Variants in SYNPR observed in about 807,000 individuals in gnomAD.
The protein encoded by SYNPR is synaptoporin.
SYNPR carries 23 observed loss-of-function variants against 32.9 expected under a neutral mutation model. The ratio of observed to expected loss-of-function variants is 0.70; its 90% confidence interval spans 0.50 to 0.99. The LOEUF is 0.99. Among genes scored for constraint, SYNPR ranks in the 50% least tolerant of loss-of-function variants. The pLI is 0.00. For synonymous variants in SYNPR, 146 were observed against 135.9 expected, an observed-to-expected ratio of 1.07 and a Z score of -0.52; for missense variants, 318 against 349.3, an observed-to-expected ratio of 0.91 and a Z score of 0.71.
intron 1 of SYNPR, among the ~76,000 whole-genome samples, chr3:63,244,239 T>C (rs1264467682): frequency 6.6e-6 from 1 of 152,146 alleles, no homozygotes; most frequent in East Asian, 1.9e-4. Flanking sequence ...ATAATGTATC[T>C]AATATGGATT....
intron 2 of SYNPR, among the ~76,000 whole-genome samples, chr3:63,316,858 A>G (rs975257160): frequency 6.6e-6 from 1 of 151,664 alleles, no homozygotes; most frequent in Non-Finnish European, 1.5e-5. Context: ...TCTTTTTTAT[A>G]TAGGTGCTTA....
At chr3:63,589,573 C>T (rs1354812915) in intron 4 of SYNPR, among the ~76,000 whole-genome samples, 10 of 150,620 alleles carry the variant, frequency 6.6e-5, no homozygotes, top group East Asian at 4.0e-4. Context: ...ACTGGCAAAC[C>T]GAATCCAGCA....
intron 2 of SYNPR, among the ~76,000 whole-genome samples, chr3:63,313,992 T>TATATATATATATCC (rs1439479806): frequency 4.0e-4 from 3 of 7,486 alleles, no homozygotes; most frequent in African/African-American, 5.3e-4. Flanking sequence ...TATATATCCA[T>TATATATATATATCC]ATATATATAT....
chr3:63,292,811 A>G (rs970269295), intron 2 of SYNPR, among the ~76,000 whole-genome samples: 6 of 152,350 alleles, frequency 3.9e-5, no homozygotes, highest in Middle Eastern at 3.4e-3. Flanking sequence ...ACATGCACAC[A>G]TATGTTCTTT....
rs959685788 is a variant in SYNPR at position 63,587,126 on chromosome 3, GA to G, written c.409-21989del. Among the ~76,000 whole-genome samples, 122 of 149,098 alleles carry G rather than the reference GA, an allele frequency of 8.2e-4. 1 individual carries two copies. In the Middle Eastern group the frequency reaches 0.01, roughly 13 times the overall value. On this transcript the variant is annotated intron_variant, in intron 4 of 5. Coordinates refer to ENST00000478300, the MANE Select transcript of SYNPR (RefSeq NM_001130003.2). ...TCAAATTAACGTCAGAATCCAGTTT[GA>G]AAAAAAAAATTGAGTTATTTCAGTT... is the stretch of plus-strand genomic sequence containing the variant.
chr3:63,612,295 C>T (rs1455604667), intron 5 of SYNPR, among the ~76,000 whole-genome samples: 2 of 152,200 alleles, frequency 1.3e-5, no homozygotes, highest in African/African-American at 4.8e-5. Context: ...AAAATGGCTA[C>T]TAAAATACGG....
chr3:63,421,017 A>G (rs2107131089), intron 2 of SYNPR, among the ~76,000 whole-genome samples: 2 of 152,244 alleles, frequency 1.3e-5, no homozygotes, highest in East Asian at 3.9e-4. Flanking sequence ...ACTAGCTGTA[A>G]CTACAGGCAC....
intron 2 of SYNPR, among the ~76,000 whole-genome samples, chr3:63,446,747 C>T (rs944369166): frequency 5.3e-5 from 8 of 152,174 alleles, no homozygotes; most frequent in Middle Eastern, 3.4e-3. Context: ...TAAAAACAAA[C>T]AAACAAACCG....
At chr3:63,575,091 G>A (rs552704026) in intron 4 of SYNPR, among the ~76,000 whole-genome samples, 42 of 151,982 alleles carry the variant, frequency 2.8e-4, no homozygotes, top group Admixed American at 4.6e-4. Flanking sequence ...CTAAGCACCC[G>A]CATTGAAGCA....
chr3:63,591,921 TAA>T lies in SYNPR; in HGVS notation c.409-17191_409-17190del, dbSNP rs569646701. 5.3e-4 allele frequency among the ~76,000 whole-genome samples: 72 copies of T among 135,902 alleles called. 1 individual carries two copies. Among genetic ancestry groups the T allele is most frequent in the African/African-American group, 1.7e-3 (63 of 37,114 alleles). The allele number at this position is 135,902 out of a possible 152,430, so 89.2% of individuals were successfully genotyped here. A position where few individuals can be genotyped will look rare whatever the true frequency, so the allele number is the denominator to read the frequency against. ...ATGTACCCTAAAACTTAAAGTATAATAAAAAAAAAAAAAAGATATGCCCACCC... is the reference window on the plus strand; with the variant it reads ...ATGTACCCTAAAACTTAAAGTATAATAAAAAAAAAAAAGATATGCCCACCC... On this transcript the variant is annotated intron_variant, in intron 4 of 5. Transcript: ENST00000478300.
chr3:63,615,649 C>A lies in SYNPR; in HGVS notation c.*168C>A. 1 of 881,242 alleles carries A rather than the reference C, an allele frequency of 1.1e-6. No homozygotes were observed. The highest frequency in any genetic ancestry group is 1.7e-6 in the Non-Finnish European group (1 of 597,442). The allele number at this position is 881,242 out of a possible 1,614,324, so 54.6% of individuals were successfully genotyped here. ...AAGTCCTGGGTTGTGAAAAATGATA[C>A]TTAGAGATGAGGCGACATGAGGAGA... On this transcript the variant is annotated 3_prime_UTR_variant, in exon 6 of 6. Transcript: ENST00000478300.
chr3:63,509,715 G>A (rs962669069), intron 3 of SYNPR, among the ~76,000 whole-genome samples: 3 of 152,062 alleles, frequency 2.0e-5, no homozygotes, highest in African/African-American at 4.8e-5. Context: ...TCCCCAGAAA[G>A]ATAATTATTT....
chr3:63,391,801 A>C (rs911888402), intron 2 of SYNPR, among the ~76,000 whole-genome samples: 2 of 152,200 alleles, frequency 1.3e-5, no homozygotes, highest in African/African-American at 4.8e-5. Flanking sequence ...GAGTCTGCTC[A>C]CTTAACTCCT....
upstream of SYNPR, among the ~76,000 whole-genome samples, chr3:63,224,500 T>G (rs2086114636): frequency 1.3e-5 from 2 of 152,132 alleles, no homozygotes; most frequent in Non-Finnish European, 2.9e-5. Context: ...TACAGCACAG[T>G]TGAACTAATT....
chr3:63,455,107 G>A (rs1376716995), intron 2 of SYNPR, among the ~76,000 whole-genome samples: 2 of 152,026 alleles, frequency 1.3e-5, no homozygotes, highest in Non-Finnish European at 2.9e-5. Flanking sequence ...TGACGTTATA[G>A]TTTAGTGAAT....
At chr3:63,235,124 C>T (rs1053461406) in intron 1 of SYNPR, among the ~76,000 whole-genome samples, 4 of 152,096 alleles carry the variant, frequency 2.6e-5, no homozygotes, top group African/African-American at 4.8e-5. Context: ...TACAATGTTA[C>T]CACCTGGGTA....
chr3:63,542,697 C>T (rs1702328454), intron 3 of SYNPR, among the ~76,000 whole-genome samples: 3 of 152,100 alleles, frequency 2.0e-5, no homozygotes, highest in South Asian at 4.1e-4. Flanking sequence ...TTATTCAGTA[C>T]TCACTGAGGA....
intron 2 of SYNPR, among the ~76,000 whole-genome samples, chr3:63,299,892 G>A (rs568150974): frequency 6.6e-6 from 1 of 152,238 alleles, no homozygotes; most frequent in East Asian, 1.9e-4. Context: ...GGTGGTGACA[G>A]TCATTTGTAT....
chr3:63,501,356 G>T (rs1427113753), intron 3 of SYNPR, among the ~76,000 whole-genome samples: 2 of 151,948 alleles, frequency 1.3e-5, no homozygotes, highest in Non-Finnish European at 2.9e-5. Context: ...GCATGCCCCT[G>T]TAGTCCCAGC....
Sources: gnomAD v4.1 joint callset for allele counts (sites outside exome capture counted in the v4.1 genomes callset) on GRCh38, gnomAD v4.1.1 for gene constraint, MANE v1.5 for transcripts, NCBI Gene and HGNC (gene_info 2026-07-23, HGNC 2026-07-21) for gene names.